Variants in TNRC6C observed in about 807,000 individuals in gnomAD.
The protein encoded by TNRC6C is trinucleotide repeat containing adaptor 6C.
TNRC6C carries 20 observed loss-of-function variants against 153.7 expected under a neutral mutation model. The ratio of observed to expected loss-of-function variants is 0.13; its 90% CI spans 0.09 to 0.19. The LOEUF is 0.19. Ranked by LOEUF, TNRC6C falls within the 10% of genes least tolerant of loss-of-function variation. The pLI is 1.00. For missense variants in TNRC6C, 1,987 were observed against 2,172.0 expected, an observed-to-expected ratio of 0.91 and a Z score of 1.69; for synonymous variants, 811 against 841.4, an observed-to-expected ratio of 0.96 and a Z score of 0.63.
At chr17:78,028,538 T>C (rs1373893367) in intron 1 of TNRC6C, among the ~76,000 whole-genome samples, 2 of 152,068 alleles carry the variant, frequency 1.3e-5, no homozygotes, top group East Asian at 3.9e-4. Context: ...CAGGCACTAG[T>C]GACAGATAGA....
At chr17:78,105,373 C>T (rs1318156037) in exon 20 of TNRC6C, 2 of 152,812 alleles carry the variant, frequency 1.3e-5, no homozygotes, top group Non-Finnish European at 2.9e-5. Context: ...GATCTGCTCT[C>T]TGTTCCCCTG....
chr17:78,097,153 G>C (rs959329323), intron 16 of TNRC6C, among the ~76,000 whole-genome samples: 2 of 152,202 alleles, frequency 1.3e-5, no homozygotes, highest in African/African-American at 4.8e-5. Context: ...GGTTGAGGCT[G>C]CTGTGCACTG....
At chr17:78,093,326 CT>C in intron 15 of TNRC6C, 1 of 698,302 alleles carries the variant, frequency 1.4e-6, no homozygotes, top group South Asian at 1.9e-5. Context: ...TCTGTAAACC[CT>C]TAGTTCAGCA....
rs1271137716 is a variant in TNRC6C, at chr17:78,006,542, T to TC, written c.-546+1464dup. Among the ~76,000 whole-genome samples the TC allele has an allele frequency of 8.0e-3, 1,107 of 138,652 alleles. 27 individuals are homozygous for TC. Among genetic ancestry groups the TC allele is most frequent in the African/African-American group, 0.03 (1,051 of 34,950 alleles). 91.0% of individuals were successfully genotyped at this position (138,652 alleles called of 152,430 possible). On this transcript the variant is annotated intron_variant, in intron 1 of 19. Coordinates refer to ENST00000301624, the Ensembl canonical transcript of TNRC6C. The stretch of plus-strand genomic sequence containing the variant: ...TTCTTCTTCTTCTTCTTCTTCTTCT[T>TC]CTTCTTCTTCTTCTTCTTCCTTCTT...
intron 1 of TNRC6C, among the ~76,000 whole-genome samples, chr17:78,008,020 ACTC>A (rs1282575037): frequency 6.6e-6 from 1 of 152,062 alleles, no homozygotes; most frequent in Non-Finnish European, 1.5e-5. Context: ...CATCTATGAT[ACTC>A]CTCTACCTTC....
chr17:78,093,943 A>AATCAATTT (rs2073437189), intron 16 of TNRC6C, among the ~76,000 whole-genome samples, 180 bp downstream of exon 18: 1 of 152,042 alleles, frequency 6.6e-6, no homozygotes, highest in Non-Finnish European at 1.5e-5. Flanking sequence ...GAGAAATGGA[A>AATCAATTT]ATCAATTTGA....
chr17:78,044,689 T>G (rs889796644), intron 2 of TNRC6C, among the ~76,000 whole-genome samples: 5 of 152,236 alleles, frequency 3.3e-5, no homozygotes, highest in African/African-American at 9.6e-5. Context: ...AAAGTTTTGT[T>G]GGCACACAGC....
chr17:78,089,802 A>G (rs536502783), intron 13 of TNRC6C, among the ~76,000 whole-genome samples: 1 of 152,340 alleles, frequency 6.6e-6, no homozygotes, highest in East Asian at 1.9e-4. Context: ...ATAGGATTAC[A>G]GTAAATAAAG....
rs569998166 is a variant in TNRC6C at position 78,026,735 on chromosome 17, C to G, written c.-545-4781C>G. 1.7e-4 allele frequency among the ~76,000 whole-genome samples: 26 copies of G among 152,178 alleles called. No homozygotes were observed. The South Asian group carries it at 5.4e-3, about 32-fold the overall frequency. On this transcript the variant is annotated intron_variant, in intron 1 of 19. Transcript: ENST00000301624. Reference sequence around the variant, plus strand: ...CAGAGTTTTAAACCAGGGAGGAGATCTGCATTTCAGAAGGATCACACTGGC... The same window carrying G: ...CAGAGTTTTAAACCAGGGAGGAGATGTGCATTTCAGAAGGATCACACTGGC...
chr17:78,073,163 T>C (rs1219519882), intron 7 of TNRC6C, 69 bp downstream of exon 9: 27 of 1,373,806 alleles, frequency 2.0e-5, no homozygotes, highest in Non-Finnish European at 2.6e-5. Context: ...AAGCATTTGA[T>C]TGTAGTCATG....
At chr17:78,098,651 G>T in intron 17 of TNRC6C, 114 bp downstream of exon 20, 1 of 1,162,526 alleles carries the variant, frequency 8.6e-7, no homozygotes, top group Non-Finnish European at 1.2e-6. Flanking sequence ...CTGGAGCCTG[G>T]GAGGGCTTAG....
intron 1 of TNRC6C, among the ~76,000 whole-genome samples, chr17:77,984,398 G>A (rs1336389532): frequency 6.6e-6 from 1 of 151,746 alleles, no homozygotes; most frequent in South Asian, 2.1e-4. Flanking sequence ...GTGTGGTGGC[G>A]CATGCATTAG....
chr17:78,051,659 A>T (rs1381266788), intron 3 of TNRC6C, among the ~76,000 whole-genome samples: 2 of 152,136 alleles, frequency 1.3e-5, no homozygotes, highest in East Asian at 1.9e-4. Flanking sequence ...TCAAGAAAAA[A>T]ATATATTAAG....
intron 1 of TNRC6C, among the ~76,000 whole-genome samples, chr17:77,960,602 A>C (rs1274981838): frequency 6.6e-6 from 1 of 152,190 alleles, no homozygotes; most frequent in Non-Finnish European, 1.5e-5. Context: ...AATGATATTC[A>C]TAGATTCCGG....
chr17:77,993,625 CT>C (rs1289879807), intron 1 of TNRC6C, among the ~76,000 whole-genome samples: 3 of 151,456 alleles, frequency 2.0e-5, no homozygotes, highest in East Asian at 1.9e-4. Context: ...TAATTAGAAC[CT>C]TTTTTTTTCT....
At chr17:78,004,357 C>A, upstream of TNRC6C, 1 of 1,221,634 alleles carries the variant, frequency 8.2e-7, no homozygotes, top group South Asian at 4.2e-5. Flanking sequence ...AGGTTTCATT[C>A]TGTTACTTTT....
intron 1 of TNRC6C, among the ~76,000 whole-genome samples, chr17:77,989,017 G>A (rs2071212187): frequency 6.6e-6 from 1 of 152,196 alleles, no homozygotes; most frequent in Non-Finnish European, 1.5e-5. Flanking sequence ...CCGGGTGGAA[G>A]TATCTACAAC....
At chr17:78,050,513 C>A in exon 3 of TNRC6C, 1 of 1,614,002 alleles carries the variant, frequency 6.2e-7, no homozygotes, top group East Asian at 2.2e-5. Flanking sequence ...TGTGCAGCTA[C>A]TCAGGCTTCA....
At chr17:78,089,486 T>G (rs1414257565) in intron 13 of TNRC6C, among the ~76,000 whole-genome samples, 1 of 152,204 alleles carries the variant, frequency 6.6e-6, no homozygotes, top group African/African-American at 2.4e-5. Flanking sequence ...CAGCAGCACC[T>G]ATGTTGAAGA....
Sources: gnomAD v4.1 joint callset for allele counts (sites outside exome capture counted in the v4.1 genomes callset) on GRCh38, gnomAD v4.1.1 for gene constraint, MANE v1.5 for transcripts, NCBI Gene and HGNC (gene_info 2026-07-23, HGNC 2026-07-21) for gene names.